The following ORAI2 variants were observed in gnomAD, a reference collection of about 807,000 sequenced individuals.
ORAI2 encodes ORAI calcium release-activated calcium modulator 2.
ORAI2 carries 10 observed loss-of-function variants against 16.2 expected under a neutral mutation model. The ratio of observed to expected loss-of-function variants is 0.62; its 90% CI spans 0.38 to 1.04. The LOEUF (loss-of-function observed/expected upper bound fraction) is 1.04. ORAI2 is among the 50% of genes least tolerant of loss of function. The pLI, the probability that ORAI2 is intolerant of heterozygous loss-of-function variation, is 0.01. For missense variants in ORAI2, 238 were observed against 355.5 expected (o/e 0.67, Z 2.66); for synonymous variants, 150 against 157.5 (o/e 0.95, Z 0.35).
rs1391104897 is a variant in ORAI2 at position 102,456,160 on chromosome 7, T to TC, written c.*9113dup. On this transcript the variant is annotated 3_prime_UTR_variant, in exon 4 of 4. Coordinates refer to ENST00000495936, the MANE Select transcript of ORAI2 (RefSeq NM_001126340.3). ...CCAGCCACAGGAACAGCAGAGCAGC[T>TC]CCCCCATCCAGGTAAGCGCCCCCAC... 1 of 153,550 alleles carries TC rather than the reference T, an allele frequency of 6.5e-6. No individual in the cohort carries two copies. Among genetic ancestry groups the TC allele is most frequent in the Admixed American group, 6.6e-5 (1 of 15,220 alleles). The allele number at this position is 153,550 out of a possible 1,614,324, so 9.5% of individuals were successfully genotyped here. A position where few individuals can be genotyped will look rare whatever the true frequency, so the allele number is the denominator to read the frequency against.
rs1796983232 is a variant in ORAI2 at position 102,433,700 on chromosome 7, G to C, written c.-123+39G>C. 1 of 152,574 alleles carries C rather than the reference G, an allele frequency of 6.6e-6. No homozygotes were observed. Among genetic ancestry groups the C allele is most frequent in the African/African-American group, 2.4e-5 (1 of 41,410 alleles). The allele number at this position is 152,574 out of a possible 1,614,324, so 9.5% of individuals were successfully genotyped here. A position where few individuals can be genotyped will look rare whatever the true frequency, so the allele number is the denominator to read the frequency against. ...CGCGGGGGCCTGGCGCGGGGAGCGG[G>C]GTCCCTGCGGCTGGGGGGGCCGGAA... On this transcript the variant is annotated intron_variant, in intron 1 of 3. Transcript: ENST00000495936. The surrounding 1 kb of genome is among the most constrained non-coding windows in gnomAD (Gnocchi z 4.6).
At position 102,450,379 on chromosome 7, in the gene ORAI2, C is replaced by T. The variant is rs1046232421; in HGVS notation, c.*3327C>T. 9.8e-5 allele frequency: 15 copies of T among 152,450 alleles called. No individual in the cohort carries two copies. Among genetic ancestry groups the T allele is most frequent in the African/African-American group, 3.6e-4 (15 of 41,470 alleles). 9.4% of individuals were successfully genotyped at this position (152,450 alleles called of 1,614,324 possible). ...TGGGAGGGGCCCTGCTGGGCCTTCT[C>T]CTGCCACCTACCTTCCTGGACCATC... On this transcript the variant is annotated 3_prime_UTR_variant, in exon 4 of 4. Transcript: ENST00000495936.
intron 3 of ORAI2, among the ~76,000 whole-genome samples, chr7:102,441,106 TG>T (rs1797186163): frequency 6.7e-6 from 1 of 149,580 alleles, no homozygotes; most frequent in African/African-American, 2.5e-5. Context: ...TTGGCCAGGC[TG>T]GGCTCGAACT....
Position 102,453,446 on chromosome 7 carries a change from G to T in ORAI2, c.*6394G>T, listed in dbSNP as rs1797576554. 1.3e-5 allele frequency: 2 copies of T among 152,172 alleles called. No individual in the cohort carries two copies. The highest frequency in any genetic ancestry group is 1.3e-4 in the Admixed American group (2 of 15,270). 9.4% of individuals were successfully genotyped at this position (152,172 alleles called of 1,614,324 possible). On this transcript the variant is annotated 3_prime_UTR_variant, in exon 4 of 4. Transcript: ENST00000495936. ...TTTAACTCTGGCACTTCACCCTAGA[G>T]GCTGCTAGGAATCAGGTGTGCCAAG...
chr7:102,443,209 C>A (rs1175834126), intron 3 of ORAI2, among the ~76,000 whole-genome samples: 1 of 149,502 alleles, frequency 6.7e-6, no homozygotes, highest in Non-Finnish European at 1.5e-5. Context: ...TAAGTGATCT[C>A]CCGCCTCAGC....
In ORAI2 at chr7:102,447,285, G is replaced by A. The variant is rs117324994; in HGVS notation, c.*233G>A. The A allele has an allele frequency of 0.022, 12,055 of 552,300 alleles. 213 individuals are homozygous for A. Among genetic ancestry groups the A allele is most frequent in the Middle Eastern group, 0.051 (105 of 2,048 alleles). 34.2% of individuals were successfully genotyped at this position (552,300 alleles called of 1,614,324 possible). On this transcript the variant is annotated 3_prime_UTR_variant, in exon 4 of 4. Transcript: ENST00000495936. ...AAAGCCAGGCTGGTTCCTTGGCCTCGGGGTTTCCTGGGTCGGGGACACGGT... is the reference window on the plus strand; with the variant it reads ...AAAGCCAGGCTGGTTCCTTGGCCTCAGGGTTTCCTGGGTCGGGGACACGGT...
intron 2 of ORAI2, among the ~76,000 whole-genome samples, chr7:102,436,883 G>A (rs1470813466): frequency 2.0e-5 from 3 of 152,012 alleles, no homozygotes; most frequent in Non-Finnish European, 4.4e-5. Context: ...GCTAATTTTT[G>A]TATTTTTAGT....
rs769319802 is a variant in ORAI2, at chr7:102,447,232, G to A, written c.*180G>A. The A allele has an allele frequency of 6.8e-6, 5 of 732,298 alleles. No individual in the cohort carries two copies. The highest frequency in any genetic ancestry group is 2.8e-5 in the East Asian group (1 of 36,354). 45.4% of individuals were successfully genotyped at this position (732,298 alleles called of 1,614,324 possible). On this transcript the variant is annotated 3_prime_UTR_variant, in exon 4 of 4. Coordinates refer to ENST00000495936, the MANE Select transcript of ORAI2 (RefSeq NM_001126340.3). ...AGATAGAACCGTTTGGTTCAATGAG[G>A]GACTGTGTTGCTAAGAGCGTTGGGG... is the stretch of plus-strand genomic sequence containing the variant.
chr7:102,442,415 G>T (rs1200404355), intron 3 of ORAI2, among the ~76,000 whole-genome samples: 1 of 152,120 alleles, frequency 6.6e-6, no homozygotes, highest in African/African-American at 2.4e-5. Context: ...TAGGCTGGGC[G>T]CAGTGGCTCA....
chr7:102,436,115 G>A (rs12669274), intron 1 of ORAI2, 110 bp from the exon 2 acceptor site: 85,905 of 160,732 alleles, frequency 0.53, 23,300 homozygotes, highest in Middle Eastern at 0.67. Context: ...GCTCAATTCT[G>A]TTAACTATGG....
At position 102,439,172 on chromosome 7, in the gene ORAI2, C is replaced by T; in HGVS notation, c.216C>T (p.Gly72=). The T allele has an allele frequency of 6.2e-7, 1 of 1,613,540 alleles. No homozygotes were observed. The highest frequency in any genetic ancestry group is 8.5e-7 in the Non-Finnish European group (1 of 1,179,920). ...ASSRTSALLS[G]FAMVAMVEVQ... ...GCAGGACCTCCGCCCTCCTCTCCGGCTTTGCCATGGTGAGTGTGGGCGCCA... is the reference window on the plus strand; with the variant it reads ...GCAGGACCTCCGCCCTCCTCTCCGGTTTTGCCATGGTGAGTGTGGGCGCCA... The change falls in exon 3 of 4, where the codon GGC becomes GGT. Residue 72 remains glycine, a synonymous_variant. Coordinates refer to ENST00000495936, the MANE Select transcript of ORAI2 (RefSeq NM_001126340.3).
chr7:102,443,795 G>A (rs757414079), intron 3 of ORAI2, among the ~76,000 whole-genome samples: 14 of 151,540 alleles, frequency 9.2e-5, no homozygotes, highest in East Asian at 7.9e-4. Flanking sequence ...CAACCTTTGC[G>A]TCCCGGGTTC....
At position 102,456,011 on chromosome 7, in the gene ORAI2, G is replaced by A. The variant is rs937454837; in HGVS notation, c.*8959G>A. ...GTGGTGCTGGCCCCGAACCTTTCCT[G>A]TTCCCCTGGATTTAGTTCCCAGCAG... is the stretch of plus-strand genomic sequence containing the variant. On this transcript the variant is annotated 3_prime_UTR_variant, in exon 4 of 4. Coordinates refer to ENST00000495936, the MANE Select transcript of ORAI2 (RefSeq NM_001126340.3). The A allele has an allele frequency of 6.5e-6, 1 of 153,354 alleles. No homozygotes were observed. The highest frequency in any genetic ancestry group is 1.5e-5 in the Non-Finnish European group (1 of 68,214). The allele number at this position is 153,354 out of a possible 1,614,324, so 9.5% of individuals were successfully genotyped here. A position where few individuals can be genotyped will look rare whatever the true frequency, so the allele number is the denominator to read the frequency against.
At chr7:102,441,525 C>T (rs1262081129) in intron 3 of ORAI2, among the ~76,000 whole-genome samples, 15 of 134,240 alleles carry the variant, frequency 1.1e-4, no homozygotes, top group African/African-American at 2.6e-4. Context: ...GGCCATAGAG[C>T]GAGACTGCAT....
chr7:102,442,709 A>T (rs2133228306), intron 3 of ORAI2, among the ~76,000 whole-genome samples: 1 of 151,174 alleles, frequency 6.6e-6, no homozygotes, highest in Middle Eastern at 3.4e-3. Flanking sequence ...AACAAAAATT[A>T]GCCAGGCGTG....
chr7:102,444,956 C>G (rs568164055), intron 3 of ORAI2, among the ~76,000 whole-genome samples: 2 of 152,018 alleles, frequency 1.3e-5, no homozygotes, highest in Non-Finnish European at 2.9e-5. Flanking sequence ...TGTGAGCCAC[C>G]GCGCCTGGCT....
In ORAI2 at chr7:102,455,689, A is replaced by T. The variant is rs1797628632; in HGVS notation, c.*8637A>T. 1 of 152,334 alleles carries T rather than the reference A, an allele frequency of 6.6e-6. No individual in the cohort carries two copies. The highest frequency in any genetic ancestry group is 2.4e-5 in the African/African-American group (1 of 41,476). 9.4% of individuals were successfully genotyped at this position (152,334 alleles called of 1,614,324 possible). On this transcript the variant is annotated 3_prime_UTR_variant, in exon 4 of 4. Coordinates refer to ENST00000495936, the MANE Select transcript of ORAI2 (RefSeq NM_001126340.3). ...CAGCTGGAGCTCCGACCTGACTCAC[A>T]TCTGGATGCGCAGTGAGGGGCCCGT...
chr7:102,441,160 TG>T (rs1797187766), intron 3 of ORAI2, among the ~76,000 whole-genome samples: 4 of 150,724 alleles, frequency 2.7e-5, no homozygotes, highest in Admixed American at 6.6e-5. Context: ...CCCAAAGTGC[TG>T]GGATTACAGG....
Position 102,456,777 on chromosome 7 carries a change from G to A in ORAI2, c.*9725G>A, listed in dbSNP as rs1257323737. ...GAAGGGACTGGACAGTGAGATATCG[G>A]GAAACCCCATGAAAATAGATGCATA... is the stretch of plus-strand genomic sequence containing the variant. On this transcript the variant is annotated 3_prime_UTR_variant, in exon 4 of 4. Transcript: ENST00000495936. The A allele has an allele frequency of 6.6e-6, 1 of 152,006 alleles. No homozygotes were observed. Among genetic ancestry groups the A allele is most frequent in the Non-Finnish European group, 1.5e-5 (1 of 68,086 alleles). 9.4% of individuals were successfully genotyped at this position (152,006 alleles called of 1,614,324 possible).
Sources: gnomAD v4.1 joint callset for allele counts (sites outside exome capture counted in the v4.1 genomes callset) on GRCh38, gnomAD v4.1.1 for gene constraint, Gnocchi (gnomAD v3.1) non-coding constraint, MANE v1.5 for transcripts, NCBI Gene and HGNC (gene_info 2026-07-23, HGNC 2026-07-21) for gene names.